The following CARMIL1 variants were observed in gnomAD, a reference collection of about 807,000 sequenced individuals.
The protein encoded by CARMIL1 is capping protein regulator and myosin 1 linker 1.
In CARMIL1, 90 loss-of-function variants were observed where a neutral mutation model predicts 177.1. The observed-to-expected ratio is 0.51, with a 90% CI of 0.43 to 0.61. The LOEUF (loss-of-function observed/expected upper bound fraction) is 0.61, where lower values mean the gene tolerates loss of function less well. Ranked by LOEUF, CARMIL1 falls within the 20% of genes least tolerant of loss-of-function variation. The probability of loss-of-function intolerance (pLI) is 0.00; values close to 1 mark genes in which losing one functional copy is unlikely to be tolerated. For missense variants in CARMIL1, 1,380 were observed against 1,667.0 expected (o/e 0.83, Z 3.00); for synonymous variants, 577 against 606.2 (o/e 0.95, Z 0.71).
At chr6:25,526,161 A>C (rs1195837550) in intron 23 of CARMIL1, among the ~76,000 whole-genome samples, 2 of 141,846 alleles carry the variant, frequency 1.4e-5, no homozygotes, top group Non-Finnish European at 3.0e-5. Flanking sequence ...AAATAAATAA[A>C]TAAATAAATA....
At chr6:25,458,354 G>T (rs1195501712) in intron 8 of CARMIL1, among the ~76,000 whole-genome samples, 1 of 151,994 alleles carries the variant, frequency 6.6e-6, no homozygotes, top group East Asian at 1.9e-4. Context: ...TGGGCGTGGT[G>T]GCACGTCGCC....
At chr6:25,610,515 A>G (rs1279684156) in intron 36 of CARMIL1, among the ~76,000 whole-genome samples, 1 of 152,202 alleles carries the variant, frequency 6.6e-6, no homozygotes, top group East Asian at 1.9e-4. Flanking sequence ...GGGGCTACCT[A>G]TAGATTTCTG....
intron 12 of CARMIL1, among the ~76,000 whole-genome samples, chr6:25,487,435 G>C (rs1802775918): frequency 6.6e-6 from 1 of 152,080 alleles, no homozygotes; most frequent in Non-Finnish European, 1.5e-5. Context: ...CATTTGATAG[G>C]TTGAGATTTT....
intron 17 of CARMIL1, among the ~76,000 whole-genome samples, chr6:25,504,334 C>T (rs407934): frequency 0.33 from 50,763 of 151,912 alleles, 8,864 homozygotes; most frequent in Admixed American, 0.36. Flanking sequence ...TTGCCATATG[C>T]TGGTTCCTTT....
chr6:25,360,632 G>T (rs1196015750), intron 2 of CARMIL1, among the ~76,000 whole-genome samples: 1 of 152,176 alleles, frequency 6.6e-6, no homozygotes, highest in African/African-American at 2.4e-5. Flanking sequence ...CAAGGCAAAT[G>T]CTGCTCAAAT....
rs564512332 is a variant in CARMIL1, at chr6:25,474,494, C to T, written c.874+1973C>T. 4.6e-5 allele frequency among the ~76,000 whole-genome samples: 7 copies of T among 152,158 alleles called. 1 individual carries two copies. Among genetic ancestry groups the T allele is most frequent in the South Asian group, 4.1e-4 (2 of 4,822 alleles). Reference sequence around the variant, plus strand: ...TTTTGTCCTTAATATGGTTATTGTTCTGTGCTGACAAAGATACCTAGGTTG... The same window carrying T: ...TTTTGTCCTTAATATGGTTATTGTTTTGTGCTGACAAAGATACCTAGGTTG... On this transcript the variant is annotated intron_variant, in intron 11 of 36. Coordinates refer to ENST00000329474, the MANE Select transcript of CARMIL1 (RefSeq NM_017640.6).
At chr6:25,385,670 C>T (rs1792078137) in intron 2 of CARMIL1, among the ~76,000 whole-genome samples, 1 of 152,078 alleles carries the variant, frequency 6.6e-6, no homozygotes, top group African/African-American at 2.4e-5. Flanking sequence ...TACATGTTTT[C>T]TAGAGTTATA....
chr6:25,545,399 AGT>A (rs1030160112), intron 26 of CARMIL1, among the ~76,000 whole-genome samples: 5 of 135,548 alleles, frequency 3.7e-5, no homozygotes, highest in African/African-American at 1.4e-4. Flanking sequence ...AAGAATTTGA[AGT>A]GTGTGAGCAT....
chr6:25,359,064 T>C (rs1788918497), intron 2 of CARMIL1, among the ~76,000 whole-genome samples: 1 of 152,216 alleles, frequency 6.6e-6, no homozygotes, highest in Non-Finnish European at 1.5e-5. Flanking sequence ...TCACAGCGTG[T>C]CTTTTTTCTG....
chr6:25,379,684 A>G (rs888073593), intron 2 of CARMIL1, among the ~76,000 whole-genome samples: 2 of 152,086 alleles, frequency 1.3e-5, no homozygotes, highest in African/African-American at 2.4e-5. Context: ...AATGCCTTTG[A>G]TCTCTTCACA....
intron 1 of CARMIL1, among the ~76,000 whole-genome samples, chr6:25,280,871 A>G (rs1472750352): frequency 2.0e-5 from 3 of 152,100 alleles, no homozygotes; most frequent in African/African-American, 4.8e-5. Flanking sequence ...CGGCGCTGAC[A>G]ACAAGAGGAA....
In CARMIL1 at chr6:25,450,779, CCCT is replaced by C. The variant is rs1798736624; in HGVS notation, c.614+71_614+73del. The stretch of plus-strand genomic sequence containing the variant: ...TCCTCCCTCCCTTCCTCCCTCCCCT[CCCT>C]CCCTTCCTCCCTCCCTTCCTCCCTC... On this transcript the variant is annotated intron_variant, in intron 8 of 36. Coordinates refer to ENST00000329474, the MANE Select transcript of CARMIL1 (RefSeq NM_017640.6). 1.7e-3 allele frequency: 587 copies of C among 340,714 alleles called. 34 individuals are homozygous for C. The highest frequency in any genetic ancestry group is 4.0e-3 in the Admixed American group (80 of 20,018). 21.1% of individuals were successfully genotyped at this position (340,714 alleles called of 1,614,324 possible). A position where few individuals can be genotyped will look rare whatever the true frequency, so the allele number is the denominator to read the frequency against.
intron 29 of CARMIL1, among the ~76,000 whole-genome samples, chr6:25,570,938 G>T (rs1812018498): frequency 6.6e-6 from 1 of 152,084 alleles, no homozygotes; most frequent in African/African-American, 2.4e-5. Context: ...TCCAACAATT[G>T]TCTTAGAAAG....
intron 23 of CARMIL1, chr6:25,527,702 A>G (rs1445888420): frequency 4.5e-6 from 2 of 447,314 alleles, no homozygotes; most frequent in South Asian, 3.2e-5. Context: ...TCGTTTTTGT[A>G]ATTTCTTCAT....
chr6:25,286,652 CTT>C (rs1157234184), intron 2 of CARMIL1, among the ~76,000 whole-genome samples: 2 of 152,104 alleles, frequency 1.3e-5, no homozygotes, highest in African/African-American at 2.4e-5. Flanking sequence ...AATGTAGTAA[CTT>C]TATAAGATGA....
intron 8 of CARMIL1, among the ~76,000 whole-genome samples, chr6:25,454,653 GT>G (rs750167161): frequency 1.3e-5 from 2 of 151,840 alleles, no homozygotes; most frequent in African/African-American, 4.8e-5. Flanking sequence ...ATTTTTTACT[GT>G]TTTTTTTACT....
chr6:25,475,292 T>C (rs2150951571), intron 11 of CARMIL1, among the ~76,000 whole-genome samples: 1 of 151,950 alleles, frequency 6.6e-6, no homozygotes, highest in Admixed American at 6.5e-5. Context: ...TAGTCCCAGC[T>C]ACTCGGGAGG....
chr6:25,541,147 T>A (rs1176273006), intron 26 of CARMIL1, among the ~76,000 whole-genome samples: 1 of 152,192 alleles, frequency 6.6e-6, no homozygotes, highest in Non-Finnish European at 1.5e-5. Context: ...TATTTTTAAC[T>A]GTAGAAAATG....
chr6:25,587,225 A>G (rs1813840245), intron 31 of CARMIL1, among the ~76,000 whole-genome samples: 1 of 152,198 alleles, frequency 6.6e-6, no homozygotes, highest in African/African-American at 2.4e-5. Flanking sequence ...TTTAATAACA[A>G]GAGCTAGAAT....
Sources: gnomAD v4.1 joint callset for allele counts (sites outside exome capture counted in the v4.1 genomes callset) on GRCh38, gnomAD v4.1.1 for gene constraint, MANE v1.5 for transcripts, NCBI Gene and HGNC (gene_info 2026-07-23, HGNC 2026-07-21) for gene names.